ATP8A2: variants seen among roughly 807,000 people sequenced by gnomAD.
ATP8A2 encodes the protein phospholipid-transporting ATPase IB.
A neutral mutation model predicts 165.6 loss-of-function variants in ATP8A2; 100 were observed. The ratio of observed to expected loss-of-function variants is 0.60; its 90% CI spans 0.51 to 0.71. ATP8A2 has a LOEUF of 0.71. Among genes scored for constraint, ATP8A2 ranks in the 30% least tolerant of loss-of-function variants. The probability of loss-of-function intolerance (pLI) is 0.00; values close to 1 mark genes in which losing one functional copy is unlikely to be tolerated. For missense variants in ATP8A2, 1,227 were observed against 1,479.5 expected, an observed-to-expected ratio of 0.83 and a Z score of 2.80; for synonymous variants, 543 against 548.8, an observed-to-expected ratio of 0.99 and a Z score of 0.15.
chr13:25,908,406 A>C (rs1188267748), intron 33 of ATP8A2, among the ~76,000 whole-genome samples: 2 of 152,240 alleles, frequency 1.3e-5, no homozygotes, highest in African/African-American at 2.4e-5. Context: ...AGTTAGACTG[A>C]TCTTGGATAC....
chr13:26,002,073 A>G (rs1956639556), intron 35 of ATP8A2, among the ~76,000 whole-genome samples: 1 of 152,256 alleles, frequency 6.6e-6, no homozygotes. Context: ...ATACAGCTAT[A>G]CAATGTGAAA....
At chr13:25,480,422 T>G (rs1164552872) in intron 2 of ATP8A2, among the ~76,000 whole-genome samples, 1 of 123,532 alleles carries the variant, frequency 8.1e-6, no homozygotes, top group Non-Finnish European at 1.7e-5. Context: ...AGGCGGAGAG[T>G]CTCCTCCCTT....
At chr13:25,820,946 T>C (rs1951164410) in intron 27 of ATP8A2, among the ~76,000 whole-genome samples, 1 of 151,732 alleles carries the variant, frequency 6.6e-6, no homozygotes, top group African/African-American at 2.4e-5. Context: ...TGGCTTTGGG[T>C]TTGTTTTTTT....
intron 35 of ATP8A2, among the ~76,000 whole-genome samples, chr13:25,987,677 A>G (rs752544502): frequency 2.0e-5 from 3 of 152,218 alleles, no homozygotes; most frequent in Admixed American, 6.5e-5. Flanking sequence ...GGGTGGGGTC[A>G]TGTTTCTTAA....
At chr13:25,634,310 T>G (rs2041318101) in intron 24 of ATP8A2, among the ~76,000 whole-genome samples, 1 of 152,160 alleles carries the variant, frequency 6.6e-6, no homozygotes, top group Admixed American at 6.6e-5. Context: ...TCAAATAAAT[T>G]GGACCCATGA....
intron 27 of ATP8A2, among the ~76,000 whole-genome samples, chr13:25,789,285 C>T (rs111827215): frequency 1.1e-4 from 17 of 152,146 alleles, no homozygotes; most frequent in African/African-American, 2.6e-4. Flanking sequence ...TAACTTGTTT[C>T]GAATTTTGTA....
chr13:25,875,479 G>A (rs1048173937), intron 33 of ATP8A2, among the ~76,000 whole-genome samples: 4 of 151,686 alleles, frequency 2.6e-5, no homozygotes, highest in African/African-American at 9.7e-5. Flanking sequence ...TTAGTGCCTG[G>A]TATCTGTTTG....
At chr13:25,698,052 T>C (rs2042871322) in intron 24 of ATP8A2, among the ~76,000 whole-genome samples, 1 of 152,180 alleles carries the variant, frequency 6.6e-6, no homozygotes, top group African/African-American at 2.4e-5. Context: ...ATATAATAAA[T>C]TGCATATGAA....
chr13:25,611,758 T>C (rs952493481), intron 24 of ATP8A2, among the ~76,000 whole-genome samples: 1 of 152,162 alleles, frequency 6.6e-6, no homozygotes, highest in South Asian at 2.1e-4. Context: ...TGAATATATC[T>C]GGTCCTGGGC....
chr13:25,956,353 T>C (rs1024481261), intron 33 of ATP8A2, among the ~76,000 whole-genome samples: 2 of 152,210 alleles, frequency 1.3e-5, no homozygotes, highest in African/African-American at 4.8e-5. Context: ...CATGACATGA[T>C]TGTATATTTA....
At chr13:25,583,639 C>A (rs1462298667) in intron 23 of ATP8A2, among the ~76,000 whole-genome samples, 1 of 152,040 alleles carries the variant, frequency 6.6e-6, no homozygotes, top group East Asian at 1.9e-4. Flanking sequence ...TATACCTGAG[C>A]CTATCTAGCT....
intron 30 of ATP8A2, among the ~76,000 whole-genome samples, chr13:25,854,007 G>C (rs1952084394): frequency 6.6e-6 from 1 of 152,192 alleles, no homozygotes; most frequent in African/African-American, 2.4e-5. Context: ...AATAATGGCA[G>C]AGCTGGAACA....
chr13:25,456,472 T>G (rs922032701), intron 1 of ATP8A2, among the ~76,000 whole-genome samples: 3 of 152,202 alleles, frequency 2.0e-5, no homozygotes, highest in Non-Finnish European at 2.9e-5. Flanking sequence ...ATGTGCTTTC[T>G]GGAATTGCTG....
chr13:25,852,417 T>A (rs1202940447), intron 30 of ATP8A2, among the ~76,000 whole-genome samples: 2 of 152,196 alleles, frequency 1.3e-5, no homozygotes, highest in Non-Finnish European at 2.9e-5. Flanking sequence ...CAACTCAGAA[T>A]AAAAGGTCAG....
intron 24 of ATP8A2, among the ~76,000 whole-genome samples, chr13:25,670,533 C>G (rs1308288731): frequency 6.6e-6 from 1 of 152,100 alleles, no homozygotes; most frequent in African/African-American, 2.4e-5. Flanking sequence ...TTCAGTTTAG[C>G]TATATAAGGT....
At position 25,428,244 on chromosome 13, in the gene ATP8A2, A is replaced by G. The variant is rs906081882; in HGVS notation, c.77-40733A>G. Among the ~76,000 whole-genome samples the G allele has an allele frequency of 9.2e-5, 14 of 152,192 alleles. No individual in the cohort carries two copies. The South Asian group carries it at 1.2e-3, about 14-fold the overall frequency. On this transcript the variant is annotated intron_variant, in intron 1 of 36. Coordinates refer to ENST00000381655, the MANE Select transcript of ATP8A2 (RefSeq NM_016529.6). ...TTAAAAAAAAGAAGTGGGCACATTT[A>G]TCTGGTCCTGTGACAAAAACATTTA...
At chr13:25,994,179 G>A (rs1315488319) in intron 35 of ATP8A2, among the ~76,000 whole-genome samples, 2 of 151,846 alleles carry the variant, frequency 1.3e-5, no homozygotes, top group Non-Finnish European at 2.9e-5. Flanking sequence ...TTTGTATGTT[G>A]ATCTTACATC....
intron 24 of ATP8A2, among the ~76,000 whole-genome samples, chr13:25,656,376 A>G (rs1022196960): frequency 6.6e-6 from 1 of 151,590 alleles, no homozygotes; most frequent in African/African-American, 2.4e-5. Context: ...CCTGGGTTCA[A>G]GTGATTCTTC....
intron 3 of ATP8A2, 64 bp downstream of exon 3, chr13:25,530,162 A>G: frequency 9.5e-7 from 1 of 1,048,924 alleles, no homozygotes; most frequent in Non-Finnish European, 1.5e-6. Context: ...ATTTTGCTAA[A>G]GGTTCCTTAA....
Sources: allele counts gnomAD v4.1 joint callset (sites outside exome capture counted in the v4.1 genomes callset), GRCh38; gene constraint gnomAD v4.1.1; transcripts MANE v1.5; gene names NCBI Gene and HGNC (gene_info 2026-07-23, HGNC 2026-07-21).